The following INSYN2B variants were observed in gnomAD, a reference collection of about 807,000 sequenced individuals.
The protein encoded by INSYN2B is inhibitory synaptic factor family member 2B.
Under a neutral mutation model 41.2 loss-of-function variants are expected in INSYN2B, and 16 were observed. The observed-to-expected ratio is 0.39, with a 90% CI of 0.26 to 0.59. INSYN2B has a LOEUF of 0.59. Ranked by LOEUF, INSYN2B falls within the 20% of genes least tolerant of loss-of-function variation. The pLI, the probability that INSYN2B is intolerant of heterozygous loss-of-function variation, is 0.57. For missense variants in INSYN2B, 608 were observed against 646.4 expected (o/e 0.94, Z 0.64); for synonymous variants, 245 against 244.4 (o/e 1.00, Z -0.02).
At chr5:169,922,806 T>C (rs1775243092) in intron 1 of INSYN2B, among the ~76,000 whole-genome samples, 1 of 152,208 alleles carries the variant, frequency 6.6e-6, no homozygotes, top group Non-Finnish European at 1.5e-5. Context: ...ACCTACATTG[T>C]TTGAGTATCT....
intron 1 of INSYN2B, among the ~76,000 whole-genome samples, chr5:169,974,003 A>G (rs2113769975): frequency 6.6e-6 from 1 of 152,300 alleles, no homozygotes; most frequent in South Asian, 2.1e-4. Flanking sequence ...AGAGGTGGTG[A>G]GGTGGACGAT....
intron 1 of INSYN2B, among the ~76,000 whole-genome samples, chr5:169,887,865 T>A (rs6879439): frequency 1.3e-5 from 2 of 152,048 alleles, no homozygotes; most frequent in Non-Finnish European, 2.9e-5. Flanking sequence ...CATGAGAAGG[T>A]CTTTCACCAG....
At chr5:169,878,010 T>G (rs1460377155) in intron 3 of INSYN2B, among the ~76,000 whole-genome samples, 4 of 152,240 alleles carry the variant, frequency 2.6e-5, no homozygotes, top group Admixed American at 2.6e-4. Context: ...ATTTTACAAC[T>G]GAAACCAAGC....
In INSYN2B at chr5:169,927,397, G is replaced by A. The variant is rs1775512508; in HGVS notation, c.-918-42581C>T. Among the ~76,000 whole-genome samples the A allele has an allele frequency of 2.6e-5, 4 of 152,268 alleles. No individual in the cohort carries two copies. In the South Asian group the frequency reaches 8.3e-4, roughly 32 times the overall value. On this transcript the variant is annotated intron_variant, in intron 1 of 3. Transcript: ENST00000377365. ...TGCTGGACCCCATCCCTAGAGATGG[G>A]GACCTTCTAATAAGTTTGCATGTGG... is the stretch of plus-strand genomic sequence containing the variant.
At chr5:169,931,323 T>C (rs1775740608) in intron 1 of INSYN2B, among the ~76,000 whole-genome samples, 1 of 152,154 alleles carries the variant, frequency 6.6e-6, no homozygotes, top group Non-Finnish European at 1.5e-5. Context: ...CTTCCAACAG[T>C]GGGTCAGTGG....
At chr5:169,877,308 C>G (rs1215462217) in intron 3 of INSYN2B, among the ~76,000 whole-genome samples, 1 of 152,122 alleles carries the variant, frequency 6.6e-6, no homozygotes, top group Admixed American at 6.5e-5. Context: ...AGTTAGCAAT[C>G]TGCATGGAGG....
At chr5:169,964,524 T>C (rs565788962) in intron 1 of INSYN2B, among the ~76,000 whole-genome samples, 1 of 152,352 alleles carries the variant, frequency 6.6e-6, no homozygotes, top group South Asian at 2.1e-4. Flanking sequence ...GCTCTTCTGC[T>C]GGAATAGAAA....
chr5:169,928,173 CT>C (rs745631469), intron 1 of INSYN2B, among the ~76,000 whole-genome samples: 1 of 152,224 alleles, frequency 6.6e-6, no homozygotes, highest in Non-Finnish European at 1.5e-5. Context: ...ACCTCATTGA[CT>C]TGCCCCACCC....
chr5:169,922,318 C>T (rs969550358), intron 1 of INSYN2B, among the ~76,000 whole-genome samples: 1 of 152,028 alleles, frequency 6.6e-6, no homozygotes, highest in Non-Finnish European at 1.5e-5. Context: ...TATGCAGAAC[C>T]CCTGATAATA....
intron 3 of INSYN2B, chr5:169,875,430 T>G (rs183717176): frequency 3.9e-4 from 154 of 392,718 alleles, no homozygotes; most frequent in African/African-American, 3.1e-3. Context: ...TGGAACTCAG[T>G]GACAATCGAA....
chr5:169,958,336 G>C (rs1291760867), intron 1 of INSYN2B, among the ~76,000 whole-genome samples: 3 of 152,166 alleles, frequency 2.0e-5, no homozygotes, highest in Non-Finnish European at 4.4e-5. Flanking sequence ...TTCTAAGCTT[G>C]GGTTTCTGGG....
intron 1 of INSYN2B, among the ~76,000 whole-genome samples, chr5:169,886,268 G>T (rs1772963033): frequency 6.6e-6 from 1 of 152,172 alleles, no homozygotes; most frequent in Non-Finnish European, 1.5e-5. Context: ...GAAGAGCAGG[G>T]TTGGCTTCTG....
At chr5:169,952,385 C>T (rs2113727835) in intron 1 of INSYN2B, among the ~76,000 whole-genome samples, 1 of 152,078 alleles carries the variant, frequency 6.6e-6, no homozygotes, top group East Asian at 1.9e-4. Flanking sequence ...GCTTGGTTCT[C>T]TTTCCTGGAT....
chr5:169,907,960 A>AT (rs1229903816), intron 1 of INSYN2B, among the ~76,000 whole-genome samples: 1 of 152,166 alleles, frequency 6.6e-6, no homozygotes, highest in African/African-American at 2.4e-5. Context: ...AACATTTTGC[A>AT]TTTTGTACAA....
intron 1 of INSYN2B, among the ~76,000 whole-genome samples, chr5:169,964,020 G>A (rs1777197135): frequency 6.6e-6 from 1 of 152,164 alleles, no homozygotes; most frequent in Non-Finnish European, 1.5e-5. Flanking sequence ...GAAGTGGCAG[G>A]ATTGGGGGAG....
intron 1 of INSYN2B, among the ~76,000 whole-genome samples, chr5:169,972,287 CTT>C (rs1367509783): frequency 6.6e-6 from 1 of 152,096 alleles, no homozygotes. Context: ...GCATTTTGCA[CTT>C]ATCATTTAGT....
chr5:169,883,420 C>G lies in INSYN2B; in HGVS notation c.479G>C (p.Gly160Ala). Residue 160 changes from glycine (G) to alanine (A), a missense_variant, in exon 2 of 4, where the codon GGG (glycine) becomes GCG (alanine). Physicochemically the swap from Gly to Ala is moderately conservative, Grantham distance 60 (BLOSUM62 0). Transcript: ENST00000377365. ...YLRLAQHLED[G>A]PRRVKVSHAF... ...ATGGGACACCTTGACCCTTCGAGGCCCATCCTCAAGATGCTGAGCCAACCT... is the reference window on the plus strand; with the variant it reads ...ATGGGACACCTTGACCCTTCGAGGCGCATCCTCAAGATGCTGAGCCAACCT... 1 of 1,551,642 alleles carries G rather than the reference C, an allele frequency of 6.4e-7. No individual in the cohort carries two copies. The highest frequency in any genetic ancestry group is 8.7e-7 in the Non-Finnish European group (1 of 1,146,954).
intron 1 of INSYN2B, among the ~76,000 whole-genome samples, chr5:169,945,648 T>C (rs1486920093): frequency 1.3e-5 from 2 of 152,212 alleles, no homozygotes; most frequent in East Asian, 3.8e-4. Flanking sequence ...GCATCTGCAG[T>C]GGCCTCTTCA....
At position 169,882,985 on chromosome 5, in the gene INSYN2B, G is replaced by A. The variant is rs375307639; in HGVS notation, c.914C>T (p.Ser305Phe). 48 of 1,551,608 alleles carry A rather than the reference G, an allele frequency of 3.1e-5. No homozygotes were observed. Among genetic ancestry groups the A allele is most frequent in the Non-Finnish European group, 3.9e-5 (45 of 1,146,942 alleles). ...TGAGGGGGAACTGTGAGTCCGTGGA[G>A]ATGAAGGAACACACGTTTCCTTTGA... is the stretch of plus-strand genomic sequence containing the variant. ...SQSKETCVPS[S>F]PRTHSSPSQG... The change falls in exon 2 of 4, where the codon TCT (serine) becomes TTT (phenylalanine). Residue 305 changes from serine to phenylalanine, a missense_variant. Transcript: ENST00000377365.
Sources: gnomAD v4.1 joint callset for allele counts (sites outside exome capture counted in the v4.1 genomes callset) on GRCh38, gnomAD v4.1.1 for gene constraint, MANE v1.5 for transcripts, NCBI Gene and HGNC (gene_info 2026-07-23, HGNC 2026-07-21) for gene names.